The following CCDC85C variants were observed in gnomAD, a reference collection of about 807,000 sequenced individuals.
CCDC85C encodes the protein coiled-coil domain containing 85C, also known as coiled-coil domain-containing protein 85C.
Under a neutral mutation model 38.3 loss-of-function variants are expected in CCDC85C, and 18 were observed. The observed-to-expected ratio is 0.47, with a 90% CI of 0.33 to 0.70. The LOEUF (loss-of-function observed/expected upper bound fraction) is 0.70. Among genes scored for constraint, CCDC85C ranks in the 30% least tolerant of loss-of-function variants. The pLI is 0.03. For missense variants in CCDC85C, 566 were observed against 621.2 expected (o/e 0.91, Z 0.94); for synonymous variants, 264 against 293.8 (o/e 0.90, Z 1.04).
At chr14:99,568,568 C>T (rs1184550725) in intron 1 of CCDC85C, among the ~76,000 whole-genome samples, 5 of 152,122 alleles carry the variant, frequency 3.3e-5, no homozygotes, top group Non-Finnish European at 7.4e-5. Context: ...CCTGAGGACC[C>T]CGCTCAGGAA....
intron 3 of CCDC85C, among the ~76,000 whole-genome samples, chr14:99,518,951 G>A (rs1897267103): frequency 1.3e-5 from 2 of 152,088 alleles, no homozygotes; most frequent in Non-Finnish European, 2.9e-5. Flanking sequence ...TTCCCGGGGT[G>A]CAGGGGCCCC....
Position 99,515,101 on chromosome 14 carries a change from G to A in CCDC85C, c.*145C>T, listed in dbSNP as rs912734010. On this transcript the variant is annotated 3_prime_UTR_variant, in exon 6 of 6. Transcript: ENST00000380243. ...CCAGTGCATCGGACCCATGGCAGCT[G>A]GGCCAGGGCGGGCAGCGTCCTATGT... The A allele has an allele frequency of 1.7e-6, 1 of 605,768 alleles. No individual in the cohort carries two copies. The highest frequency in any genetic ancestry group is 3.1e-5 in the Admixed American group (1 of 32,334). The allele number at this position is 605,768 out of a possible 1,614,324, so 37.5% of individuals were successfully genotyped here.
chr14:99,566,041 T>G (rs1898210114), intron 1 of CCDC85C, among the ~76,000 whole-genome samples: 1 of 152,226 alleles, frequency 6.6e-6, no homozygotes. Context: ...GGCCAACTGA[T>G]GGAGACAACT....
intron 3 of CCDC85C, among the ~76,000 whole-genome samples, chr14:99,519,258 G>GCCCACC (rs1897271976): frequency 6.7e-6 from 1 of 148,300 alleles, no homozygotes; most frequent in Non-Finnish European, 1.5e-5. Flanking sequence ...TGGAACTACA[G>GCCCACC]ATGCACACCA....
Position 99,588,795 on chromosome 14 carries a change from T to C in CCDC85C, c.793+14372A>G, listed in dbSNP as rs2055053762. On this transcript the variant is annotated intron_variant, in intron 1 of 5. Coordinates refer to ENST00000380243, the MANE Select transcript of CCDC85C (RefSeq NM_001144995.2). The surrounding 1 kb of genome is among the most constrained non-coding windows in gnomAD (Gnocchi z 5.0). ...AAGCCCCCAAAAGTACTGGTTCTAC[T>C]AGATGGAGGGAAGAGGCCAAGCTAG... Among the ~76,000 whole-genome samples the C allele has an allele frequency of 6.6e-6, 1 of 151,748 alleles. No homozygotes were observed. Among genetic ancestry groups the C allele is most frequent in the Non-Finnish European group, 1.5e-5 (1 of 67,988 alleles).
At position 99,512,889 on chromosome 14, in the gene CCDC85C, C is replaced by T. The variant is rs1897161814; in HGVS notation, c.*2357G>A. ...CACGGCTCTGCAACTGCCACCTGTA[C>T]TCAGGTACATGGCGTCGCTGCTGCT... On this transcript the variant is annotated 3_prime_UTR_variant, in exon 6 of 6. Coordinates refer to ENST00000380243, the MANE Select transcript of CCDC85C (RefSeq NM_001144995.2). 6.6e-6 allele frequency: 1 copy of T among 152,252 alleles called. No individual in the cohort carries two copies. Among genetic ancestry groups the T allele is most frequent in the African/African-American group, 2.4e-5 (1 of 41,464 alleles). The allele number at this position is 152,252 out of a possible 1,614,324, so 9.4% of individuals were successfully genotyped here. A position where few individuals can be genotyped will look rare whatever the true frequency, so the allele number is the denominator to read the frequency against.
At chr14:99,541,755 A>G (rs1897717986) in intron 1 of CCDC85C, among the ~76,000 whole-genome samples, 1 of 152,206 alleles carries the variant, frequency 6.6e-6, no homozygotes, top group Admixed American at 6.5e-5. Flanking sequence ...TGCCTCAGGG[A>G]TCAGGGCTGG....
intron 3 of CCDC85C, among the ~76,000 whole-genome samples, chr14:99,521,539 C>T (rs1897303229): frequency 6.6e-6 from 1 of 152,206 alleles, no homozygotes; most frequent in African/African-American, 2.4e-5. Flanking sequence ...CAAGCATCCG[C>T]TACACACCCA....
chr14:99,539,189 G>A (rs1897663808), intron 1 of CCDC85C, among the ~76,000 whole-genome samples: 1 of 152,154 alleles, frequency 6.6e-6, no homozygotes, highest in Non-Finnish European at 1.5e-5. Flanking sequence ...ATTAATTCTA[G>A]GCTGGGCACG....
Position 99,545,280 on chromosome 14 carries a change from A to G in CCDC85C, c.794-9192T>C, listed in dbSNP as rs1328962519. On this transcript the variant is annotated intron_variant, in intron 1 of 5. Coordinates refer to ENST00000380243, the MANE Select transcript of CCDC85C (RefSeq NM_001144995.2). This position sits in a 1 kb window ranked among gnomAD's most constrained non-coding sequence, Gnocchi z 4.7. The stretch of plus-strand genomic sequence containing the variant: ...TGGGCACCCAGCATTTAATTCCAGG[A>G]AAAGCCACGAGGCTTCCCAATGACA... Among the ~76,000 whole-genome samples the G allele has an allele frequency of 2.0e-5, 3 of 152,048 alleles. No homozygotes were observed. The highest frequency in any genetic ancestry group is 4.4e-5 in the Non-Finnish European group (3 of 68,032).
chr14:99,525,014 C>T (rs1461440141), intron 2 of CCDC85C, among the ~76,000 whole-genome samples: 1 of 152,242 alleles, frequency 6.6e-6, no homozygotes, highest in East Asian at 1.9e-4. Flanking sequence ...GCCCCTTCCA[C>T]CCTGGCCAGG....
rs1055065026 is a variant in CCDC85C at position 99,535,941 on chromosome 14, G to A, written c.867+74C>T. On this transcript the variant is annotated intron_variant, in intron 2 of 5. Coordinates refer to ENST00000380243, the MANE Select transcript of CCDC85C (RefSeq NM_001144995.2). The surrounding 1 kb of genome is among the most constrained non-coding windows in gnomAD (Gnocchi z 5.5). ...GGACAGCCTAGGTCCCAAGGGGAAGGGTGCCCTGGGTGAGCTGGAGGGGTG... is the reference window on the plus strand; with the variant it reads ...GGACAGCCTAGGTCCCAAGGGGAAGAGTGCCCTGGGTGAGCTGGAGGGGTG... 4.4e-6 allele frequency: 5 copies of A among 1,127,758 alleles called. No homozygotes were observed. The African/African-American group carries it at 6.2e-5, about 14-fold the overall frequency. The allele number at this position is 1,127,758 out of a possible 1,614,324, so 69.9% of individuals were successfully genotyped here. A position where few individuals can be genotyped will look rare whatever the true frequency, so the allele number is the denominator to read the frequency against.
rs763203304 is a variant in CCDC85C, at chr14:99,503,098, C to T, written c.*12148G>A. 8.2e-5 allele frequency: 96 copies of T among 1,172,024 alleles called. 4 individuals carry two copies. The highest frequency in any genetic ancestry group is 2.8e-4 in the South Asian group (23 of 81,882). 72.6% of individuals were successfully genotyped at this position (1,172,024 alleles called of 1,614,324 possible). A position where few individuals can be genotyped will look rare whatever the true frequency, so the allele number is the denominator to read the frequency against. On this transcript the variant is annotated 3_prime_UTR_variant, in exon 6 of 6. Coordinates refer to ENST00000380243, the MANE Select transcript of CCDC85C (RefSeq NM_001144995.2). ...GGGAACACCGGAAGCAGGGGGTGTT[C>T]GCCGAAACTCGCAGTCCGACTGCTT...
intron 2 of CCDC85C, among the ~76,000 whole-genome samples, chr14:99,526,961 C>G (rs529646557): frequency 2.6e-5 from 4 of 152,172 alleles, no homozygotes; most frequent in African/African-American, 7.2e-5. Context: ...TAAAGCCCAC[C>G]GAGATCCAGC....
At chr14:99,557,116 T>G (rs1365210677) in intron 1 of CCDC85C, among the ~76,000 whole-genome samples, 1 of 152,250 alleles carries the variant, frequency 6.6e-6, no homozygotes, top group Non-Finnish European at 1.5e-5. Context: ...CTCTGTTACC[T>G]TCTCAGATCC....
intron 1 of CCDC85C, among the ~76,000 whole-genome samples, chr14:99,596,040 C>G (rs11160529): frequency 0.55 from 83,161 of 152,260 alleles, 24,162 homozygotes; most frequent in Non-Finnish European, 0.65. Context: ...CCCAGGTGGG[C>G]AGGGAGGGCT....
rs575084229 is a variant in CCDC85C, at chr14:99,512,624, T to G, written c.*2622A>C. On this transcript the variant is annotated 3_prime_UTR_variant, in exon 6 of 6. Coordinates refer to ENST00000380243, the MANE Select transcript of CCDC85C (RefSeq NM_001144995.2). ...ACCTGGGCTGGGGCGAAAGGAGACC[T>G]CCATCTGTCACAGTGGAAACTGAAG... The G allele has an allele frequency of 3.3e-5, 5 of 152,272 alleles. No homozygotes were observed. Among genetic ancestry groups the G allele is most frequent in the African/African-American group, 1.2e-4 (5 of 41,556 alleles). 9.4% of individuals were successfully genotyped at this position (152,272 alleles called of 1,614,324 possible). A position where few individuals can be genotyped will look rare whatever the true frequency, so the allele number is the denominator to read the frequency against.
chr14:99,529,048 G>A (rs1240210211), intron 2 of CCDC85C, among the ~76,000 whole-genome samples: 5 of 152,166 alleles, frequency 3.3e-5, no homozygotes, highest in Admixed American at 6.5e-5. Flanking sequence ...GGGGGCTGCC[G>A]CTTCAGCTGG....
In CCDC85C at chr14:99,603,859, C is replaced by G. The variant is rs2055240600; in HGVS notation, c.101G>C (p.Arg34Pro). The change falls in exon 1 of 6, where the codon CGG becomes CCG. Residue 34 changes from arginine (R) to proline (P), a missense_variant. This residue lies in a region of CCDC85C where 269 missense variants were observed against 308.2 expected (regional missense o/e 0.87). Coordinates refer to ENST00000380243, the MANE Select transcript of CCDC85C (RefSeq NM_001144995.2). This position sits in a 1 kb window ranked among gnomAD's most constrained non-coding sequence, Gnocchi z 7.5. ...CTTCTCGCCCTCGGCGCGCCGCAGC[C>G]GCCGCGCCAGCTCCTCCTTGCTCCA... is the stretch of plus-strand genomic sequence containing the variant. ...LRWSKEELAR[R>P]LRRAEGEKVG... 1 of 1,515,644 alleles carries G rather than the reference C, an allele frequency of 6.6e-7. No homozygotes were observed. Among genetic ancestry groups the G allele is most frequent in the Non-Finnish European group, 8.8e-7 (1 of 1,138,204 alleles). 93.9% of individuals were successfully genotyped at this position (1,515,644 alleles called of 1,614,324 possible). A position where few individuals can be genotyped will look rare whatever the true frequency, so the allele number is the denominator to read the frequency against.
Sources: gnomAD v4.1 joint callset for allele counts (sites outside exome capture counted in the v4.1 genomes callset) on GRCh38, gnomAD v4.1.1 for gene constraint, gnomAD v4.1.1 regional missense constraint, Gnocchi (gnomAD v3.1) non-coding constraint, MANE v1.5 for transcripts, NCBI Gene and HGNC (gene_info 2026-07-23, HGNC 2026-07-21) for gene names.